Variants in ZNF804B observed in about 807,000 individuals in gnomAD.
The protein encoded by ZNF804B is zinc finger 804B.
A neutral mutation model predicts 101.4 loss-of-function variants in ZNF804B; 80 were observed. That is an observed-to-expected ratio of 0.79 (90% CI 0.66 to 0.95). The LOEUF is 0.95. ZNF804B is among the 40% of genes least tolerant of loss of function. ZNF804B has a pLI of 0.00. For synonymous variants in ZNF804B, 622 were observed against 558.8 expected (o/e 1.11, Z -1.59); for missense variants, 1,673 against 1,561.9 (o/e 1.07, Z -1.20).
intron 1 of ZNF804B, among the ~76,000 whole-genome samples, chr7:88,801,426 A>G (rs1790580816): frequency 6.6e-6 from 1 of 152,074 alleles, no homozygotes. Flanking sequence ...TGTAATTATA[A>G]CTGTTTAGGA....
intron 1 of ZNF804B, among the ~76,000 whole-genome samples, chr7:88,845,269 G>A (rs938394606): frequency 1.3e-5 from 2 of 148,506 alleles, no homozygotes; most frequent in East Asian, 2.0e-4. Flanking sequence ...ACACATATGC[G>A]CATGTGTGCG....
At chr7:89,228,586 T>C (rs914962639) in intron 2 of ZNF804B, among the ~76,000 whole-genome samples, 20 of 152,156 alleles carry the variant, frequency 1.3e-4, no homozygotes, top group African/African-American at 3.6e-4. Context: ...AGGGTGCTGA[T>C]TGGTGTGTTT....
At chr7:88,903,471 G>A (rs1792422257) in intron 1 of ZNF804B, among the ~76,000 whole-genome samples, 1 of 152,146 alleles carries the variant, frequency 6.6e-6, no homozygotes. Context: ...TATATACCCA[G>A]TACTGGGATT....
chr7:89,192,596 T>G (rs1259599938), intron 1 of ZNF804B, among the ~76,000 whole-genome samples: 2 of 152,058 alleles, frequency 1.3e-5, no homozygotes, highest in East Asian at 1.9e-4. Flanking sequence ...CATTACCATT[T>G]ATACTGAAAC....
intron 1 of ZNF804B, among the ~76,000 whole-genome samples, chr7:88,845,777 A>T (rs969740424): frequency 6.6e-6 from 1 of 152,238 alleles, no homozygotes; most frequent in Middle Eastern, 3.4e-3. Context: ...CCAGTTTGCA[A>T]CTGATTGCTG....
intron 1 of ZNF804B, among the ~76,000 whole-genome samples, chr7:89,057,322 A>G (rs560794390): frequency 6.6e-5 from 10 of 152,132 alleles, no homozygotes; most frequent in East Asian, 1.9e-4. Context: ...ATGCTTAACT[A>G]TAACTATATT....
At chr7:88,850,093 G>T (rs1791431184) in intron 1 of ZNF804B, among the ~76,000 whole-genome samples, 1 of 152,068 alleles carries the variant, frequency 6.6e-6, no homozygotes, top group Non-Finnish European at 1.5e-5. Context: ...CTTCCTATTT[G>T]AAATAAGTTT....
intron 1 of ZNF804B, among the ~76,000 whole-genome samples, chr7:88,784,417 TA>T (rs1790270620): frequency 6.6e-6 from 1 of 152,156 alleles, no homozygotes; most frequent in Non-Finnish European, 1.5e-5. Context: ...CGGGGACCTT[TA>T]AAGTCCAGGA....
chr7:88,773,860 T>A (rs1161645205), intron 1 of ZNF804B, among the ~76,000 whole-genome samples: 2 of 152,004 alleles, frequency 1.3e-5, no homozygotes, highest in Non-Finnish European at 2.9e-5. Context: ...AGAACTCATA[T>A]CATGAGGACA....
rs556251231 is a variant in ZNF804B, at chr7:88,958,064, C to A, written c.108+197980C>A. 7.8e-4 allele frequency among the ~76,000 whole-genome samples: 118 copies of A among 151,354 alleles called. 1 individual carries two copies. Among genetic ancestry groups the A allele is most frequent in the Non-Finnish European group, 1.3e-3 (88 of 67,544 alleles). On this transcript the variant is annotated intron_variant, in intron 1 of 3. Transcript: ENST00000333190. ...CAGTGAATCTGACATCAGGTGATTG[C>A]TTTCTAGATTTCTGAGCAGCAAAAG... is the stretch of plus-strand genomic sequence containing the variant.
At chr7:89,202,839 G>T (rs1788664327) in intron 1 of ZNF804B, among the ~76,000 whole-genome samples, 1 of 152,080 alleles carries the variant, frequency 6.6e-6, no homozygotes, top group African/African-American at 2.4e-5. Flanking sequence ...TGTGGAGATT[G>T]CTTCCAATTA....
At chr7:89,066,448 G>A (rs78604211) in intron 1 of ZNF804B, among the ~76,000 whole-genome samples, 5,836 of 152,068 alleles carry the variant, frequency 0.038, 154 homozygotes, top group East Asian at 0.12. Context: ...AATACCTGGA[G>A]CCTGAAAACA....
At chr7:88,773,679 G>C (rs754501452) in intron 1 of ZNF804B, among the ~76,000 whole-genome samples, 3 of 152,092 alleles carry the variant, frequency 2.0e-5, no homozygotes, top group Non-Finnish European at 4.4e-5. Context: ...CGGTTCTGCA[G>C]GCTTTACAGG....
chr7:89,298,257 T>TATATATAA, intron 2 of ZNF804B, among the ~76,000 whole-genome samples: 1 of 108,438 alleles, frequency 9.2e-6, no homozygotes, highest in Admixed American at 1.1e-4. Context: ...TATATATATA[T>TATATATAA]ACTTTAAGTT....
chr7:89,065,180 A>G (rs1789440648), intron 1 of ZNF804B, among the ~76,000 whole-genome samples: 1 of 152,268 alleles, frequency 6.6e-6, no homozygotes, highest in East Asian at 1.9e-4. Flanking sequence ...GAGCAAGTAA[A>G]CTACAGAGCA....
chr7:89,113,064 GA>G (rs1790244569), intron 1 of ZNF804B, among the ~76,000 whole-genome samples: 2 of 152,194 alleles, frequency 1.3e-5, no homozygotes, highest in Admixed American at 6.5e-5. Context: ...TATGTGAGAA[GA>G]TGTTAGGAAA....
chr7:88,853,131 T>G (rs541021749), intron 1 of ZNF804B, among the ~76,000 whole-genome samples: 1 of 152,246 alleles, frequency 6.6e-6, no homozygotes, highest in South Asian at 2.1e-4. Context: ...TTCTGTGAAT[T>G]GGTGTCTCTG....
intron 1 of ZNF804B, among the ~76,000 whole-genome samples, chr7:88,939,679 T>C (rs1481477192): frequency 6.6e-6 from 1 of 150,954 alleles, no homozygotes; most frequent in East Asian, 1.9e-4. Flanking sequence ...TAAAACATGA[T>C]GCAGAAAAGA....
intron 1 of ZNF804B, among the ~76,000 whole-genome samples, chr7:88,762,666 C>A (rs571210100): frequency 9.9e-4 from 149 of 150,470 alleles, no homozygotes; most frequent in African/African-American, 3.5e-3. Flanking sequence ...AAAATACATT[C>A]ATCTATTTCC....
Sources: allele counts gnomAD v4.1 joint callset (sites outside exome capture counted in the v4.1 genomes callset), GRCh38; gene constraint gnomAD v4.1.1; transcripts MANE v1.5; gene names NCBI Gene and HGNC (gene_info 2026-07-23, HGNC 2026-07-21).